The following ZNF676 variants were observed in gnomAD, a reference collection of about 807,000 sequenced individuals.
ZNF676 encodes the protein zinc finger protein 676.
In ZNF676, 4 loss-of-function variants were observed where a neutral mutation model predicts 6.0. The ratio of observed to expected loss-of-function variants is 0.67; its 90% confidence interval spans 0.33 to 1.53. The LOEUF is 1.53. ZNF676 is among the 40% of genes most tolerant of loss of function. The probability of loss-of-function intolerance (pLI) is 0.06; values close to 1 mark genes in which losing one functional copy is unlikely to be tolerated. For synonymous variants in ZNF676, 198 were observed against 223.1 expected, an observed-to-expected ratio of 0.89 and a Z score of 1.00; for missense variants, 644 against 679.7, an observed-to-expected ratio of 0.95 and a Z score of 0.58.
chr19:22,207,423 C>A (rs550883341), intron 1 of ZNF676, among the ~76,000 whole-genome samples: 11 of 152,226 alleles, frequency 7.2e-5, no homozygotes, highest in Admixed American at 7.2e-4. Flanking sequence ...AATTACAAAA[C>A]AATGCTTAAA....
chr19:22,213,198 G>A (rs2024148114), intron 1 of ZNF676, among the ~76,000 whole-genome samples: 1 of 152,046 alleles, frequency 6.6e-6, no homozygotes, highest in Non-Finnish European at 1.5e-5. Flanking sequence ...AGTGCCCCAG[G>A]TACATTTTAC....
At chr19:22,237,979 C>T in the ZNF676 span, among the ~76,000 whole-genome samples, 2 of 152,190 alleles carry the variant, frequency 1.3e-5, no homozygotes, top group Non-Finnish European at 2.9e-5. Context: ...ATGAGACTCT[C>T]ACACAGGGCA....
At chr19:22,234,305 G>A in the ZNF676 span, among the ~76,000 whole-genome samples, 5 of 152,220 alleles carry the variant, frequency 3.3e-5, no homozygotes, top group African/African-American at 1.2e-4. Context: ...TAGGTCATCA[G>A]TGCAGGCTGG....
intron 2 of ZNF676, among the ~76,000 whole-genome samples, chr19:22,185,934 G>A (rs2023832354): frequency 6.6e-6 from 1 of 151,988 alleles, no homozygotes; most frequent in African/African-American, 2.4e-5. Context: ...TGGGGAGAAT[G>A]GAACCAAGTA....
chr19:22,190,649 A>ATACATAGAATTCTATG (rs2023893698), intron 2 of ZNF676, among the ~76,000 whole-genome samples: 1 of 128,648 alleles, frequency 7.8e-6, no homozygotes, highest in African/African-American at 3.8e-5. Context: ...ATATATATAT[A>ATACATAGAATTCTATG]TATATATATA....
At chr19:22,245,513 C>A in the ZNF676 span, among the ~76,000 whole-genome samples, 1 of 138,204 alleles carries the variant, frequency 7.2e-6, no homozygotes. Flanking sequence ...TGCCCCCCCC[C>A]CCACCCCCAA....
the ZNF676 span, among the ~76,000 whole-genome samples, chr19:22,253,263 T>C: frequency 1.9e-4 from 29 of 151,606 alleles, no homozygotes; most frequent in Admixed American, 1.7e-3. Flanking sequence ...GCCAGCTGGG[T>C]ACATATATGA....
chr19:22,233,973 T>A, the ZNF676 span, among the ~76,000 whole-genome samples: 1 of 152,268 alleles, frequency 6.6e-6, no homozygotes, highest in African/African-American at 2.4e-5. Flanking sequence ...CAAATTTCTT[T>A]GTCACCAATT....
intron 2 of ZNF676, among the ~76,000 whole-genome samples, chr19:22,182,585 T>TAAAAAAAA (rs67699215): frequency 2.2e-5 from 1 of 45,046 alleles, no homozygotes; most frequent in African/African-American, 1.1e-4. Context: ...GTCAAAGTTC[T>TAAAAAAAA]AAAAAAAAAA....
intron 1 of ZNF676, among the ~76,000 whole-genome samples, chr19:22,202,366 T>C (rs550548718): frequency 1.3e-5 from 2 of 152,262 alleles, no homozygotes; most frequent in South Asian, 2.1e-4. Flanking sequence ...CAGAGGATGA[T>C]AGATACCAAG....
intron 1 of ZNF676, among the ~76,000 whole-genome samples, chr19:22,215,280 G>C (rs1400066269): frequency 1.3e-5 from 2 of 152,050 alleles, no homozygotes. Flanking sequence ...CAGGAACTGG[G>C]AGCCTCACGG....
chr19:22,235,039 A>AGG, the ZNF676 span, among the ~76,000 whole-genome samples: 1 of 151,412 alleles, frequency 6.6e-6, no homozygotes, highest in South Asian at 2.1e-4. Context: ...AAAGAAAAGA[A>AGG]AAGAAGGAAG....
upstream of ZNF676, among the ~76,000 whole-genome samples, chr19:22,199,242 A>T (rs2024000767): frequency 6.6e-6 from 1 of 152,200 alleles, no homozygotes; most frequent in South Asian, 2.1e-4. Flanking sequence ...GCTGTCAATA[A>T]TGATGTTGCT....
At chr19:22,227,397 A>G in the ZNF676 span, among the ~76,000 whole-genome samples, 3 of 152,220 alleles carry the variant, frequency 2.0e-5, no homozygotes, top group South Asian at 4.1e-4. Context: ...AAATGCTCAC[A>G]AGAGAAAGCA....
At chr19:22,186,002 C>CA (rs1435590879) in intron 2 of ZNF676, among the ~76,000 whole-genome samples, 1 of 152,004 alleles carries the variant, frequency 6.6e-6, no homozygotes, top group Admixed American at 6.6e-5. Context: ...CACGACAGGC[C>CA]AACATTCAAA....
chr19:22,241,212 C>T, the ZNF676 span, among the ~76,000 whole-genome samples: 5 of 151,960 alleles, frequency 3.3e-5, no homozygotes, highest in Non-Finnish European at 7.3e-5. Context: ...ATCAGAATCA[C>T]ACCAGCAGGA....
rs747439302 is a variant in ZNF676, at chr19:22,181,583, A to G, written c.134T>C (p.Ile45Thr). ...RHEMVEEPPVICSHFSQEFWP... is the reference protein window; with the variant it reads ...RHEMVEEPPVTCSHFSQEFWP... The stretch of plus-strand genomic sequence containing the variant: ...AAACTCTTGGGAAAAATGAGAACAT[A>G]TAACTGAAAAGAAATAAAAATAACA... Residue 45 changes from isoleucine to threonine, a missense_variant, in exon 3 of 3, where the codon ATA (isoleucine) becomes ACA (threonine). Transcript: ENST00000397121. The G allele has an allele frequency of 1.3e-6, 2 of 1,544,228 alleles. No individual in the cohort carries two copies. Among genetic ancestry groups the G allele is most frequent in the East Asian group, 2.3e-5 (1 of 44,028 alleles).
chr19:22,215,050 A>AAAAC lies in ZNF676; in HGVS notation c.3+581_3+582insGTTT, dbSNP rs1555775835. Among the ~76,000 whole-genome samples, 129 of 125,054 alleles carry AAAAC rather than the reference A, an allele frequency of 1.0e-3. 2 individuals carry two copies. Among genetic ancestry groups the AAAAC allele is most frequent in the Non-Finnish European group, 1.7e-3 (105 of 62,816 alleles). 82.0% of individuals were successfully genotyped at this position (125,054 alleles called of 152,430 possible). A position where few individuals can be genotyped will look rare whatever the true frequency, so the allele number is the denominator to read the frequency against. ...AGCGAGACTCCATCTCAAAAAAAAA[A>AAAAC]AAAAAAAAAACAACAAAAAACCAGG... On this transcript the variant is annotated intron_variant, in intron 1 of 3. Transcript: ENST00000650058.
chr19:22,188,296 T>C (rs2023864376), intron 2 of ZNF676, among the ~76,000 whole-genome samples: 1 of 152,180 alleles, frequency 6.6e-6, no homozygotes, highest in South Asian at 2.1e-4. Flanking sequence ...GGAAAGGCTT[T>C]TGACAAAATT....
Sources: allele counts gnomAD v4.1 joint callset (sites outside exome capture counted in the v4.1 genomes callset), GRCh38; gene constraint gnomAD v4.1.1; transcripts MANE v1.5; gene names NCBI Gene and HGNC (gene_info 2026-07-23, HGNC 2026-07-21).